Variants in TENM3 observed in about 807,000 individuals in gnomAD.
The protein encoded by TENM3 is teneurin transmembrane protein 3.
TENM3 carries 63 observed loss-of-function variants against 255.1 expected under a neutral mutation model. The ratio of observed to expected loss-of-function variants is 0.25; its 90% CI spans 0.20 to 0.30. The LOEUF (loss-of-function observed/expected upper bound fraction) is 0.30. Ranked by LOEUF, TENM3 falls within the 10% of genes least tolerant of loss-of-function variation. TENM3 has a pLI of 1.00. For synonymous variants in TENM3, 1,306 were observed against 1,322.3 expected, an observed-to-expected ratio of 0.99 and a Z score of 0.27; for missense variants, 2,929 against 3,461.1, an observed-to-expected ratio of 0.85 and a Z score of 3.86.
At chr4:182,723,423 C>T (rs1035197274) in intron 13 of TENM3, among the ~76,000 whole-genome samples, 6 of 151,974 alleles carry the variant, frequency 3.9e-5, no homozygotes, top group African/African-American at 7.2e-5. Context: ...GGGGTGGGGG[C>T]GAAGTACCAA....
the TENM3 span, among the ~76,000 whole-genome samples, chr4:181,878,307 G>A: frequency 1.7e-4 from 26 of 151,312 alleles, no homozygotes; most frequent in South Asian, 5.5e-3. Flanking sequence ...AAAATGGGGG[G>A]AAAGGAAAGA....
At chr4:182,318,142 A>G (rs1762851323) in intron 1 of TENM3, among the ~76,000 whole-genome samples, 1 of 152,202 alleles carries the variant, frequency 6.6e-6, no homozygotes, top group Non-Finnish European at 1.5e-5. Context: ...GTAACATTCA[A>G]GGCTTTGTAA....
At chr4:182,184,413 C>T (rs1753019234) in intron 1 of TENM3, among the ~76,000 whole-genome samples, 1 of 150,634 alleles carries the variant, frequency 6.6e-6, no homozygotes, top group South Asian at 2.1e-4. Flanking sequence ...ATTGCCCTTT[C>T]ATCACAGATG....
At chr4:182,649,885 G>T (rs1753100206) in intron 5 of TENM3, among the ~76,000 whole-genome samples, 1 of 150,254 alleles carries the variant, frequency 6.7e-6, no homozygotes, top group Non-Finnish European at 1.5e-5. Flanking sequence ...CTTCTCTATG[G>T]ATTTTCACAT....
intron 4 of TENM3, among the ~76,000 whole-genome samples, chr4:182,602,575 T>A (rs529360345): frequency 6.6e-6 from 1 of 152,334 alleles, no homozygotes; most frequent in African/African-American, 2.4e-5. Context: ...CTTATCTTTT[T>A]ATCCATATCA....
intron 2 of TENM3, among the ~76,000 whole-genome samples, chr4:182,332,860 A>C (rs1161431036): frequency 6.6e-6 from 1 of 152,190 alleles, no homozygotes; most frequent in African/African-American, 2.4e-5. Flanking sequence ...AGCACCTATG[A>C]TCCTGATTAA....
At chr4:181,634,044 G>A in the TENM3 span, among the ~76,000 whole-genome samples, 3 of 152,098 alleles carry the variant, frequency 2.0e-5, no homozygotes, top group Non-Finnish European at 2.9e-5. Flanking sequence ...AGCCACATCC[G>A]TAGCCTCAGT....
At chr4:182,589,657 G>A (rs750266736) in intron 3 of TENM3, among the ~76,000 whole-genome samples, 2 of 151,954 alleles carry the variant, frequency 1.3e-5, no homozygotes, top group Non-Finnish European at 2.9e-5. Flanking sequence ...TTTGTGACTT[G>A]GTTTGAGAGT....
At chr4:182,632,786 G>A (rs373047756) in intron 5 of TENM3, among the ~76,000 whole-genome samples, 2 of 151,886 alleles carry the variant, frequency 1.3e-5, no homozygotes, top group Admixed American at 6.6e-5. Flanking sequence ...TACCTGTAAA[G>A]TCCTTATTTA....
At chr4:182,317,304 TG>T (rs1258346187) in intron 1 of TENM3, among the ~76,000 whole-genome samples, 1 of 152,108 alleles carries the variant, frequency 6.6e-6, no homozygotes, top group Admixed American at 6.5e-5. Flanking sequence ...ACAGTCTTTG[TG>T]GGGTGTTTTT....
At chr4:181,764,833 G>A in the TENM3 span, among the ~76,000 whole-genome samples, 17 of 152,198 alleles carry the variant, frequency 1.1e-4, no homozygotes, top group Non-Finnish European at 1.8e-4. Flanking sequence ...TGGGACTACA[G>A]GGGCATGCCA....
chr4:182,145,678 G>T (rs1426126394), intron 1 of TENM3, among the ~76,000 whole-genome samples: 1 of 152,210 alleles, frequency 6.6e-6, no homozygotes, highest in Non-Finnish European at 1.5e-5. Flanking sequence ...GTAATTTGGA[G>T]GTAGAGAAAA....
the TENM3 span, among the ~76,000 whole-genome samples, chr4:181,672,317 A>G: frequency 6.6e-6 from 1 of 152,156 alleles, no homozygotes; most frequent in Non-Finnish European, 1.5e-5. Context: ...TAAATGCAAT[A>G]TTTGCTTTAT....
chr4:182,366,685 T>G (rs1014971484), intron 3 of TENM3, among the ~76,000 whole-genome samples: 2 of 152,176 alleles, frequency 1.3e-5, no homozygotes, highest in Non-Finnish European at 2.9e-5. Context: ...AAATTCAGAT[T>G]TGATGATTTC....
intron 1 of TENM3, among the ~76,000 whole-genome samples, chr4:182,274,186 G>T (rs1211043241): frequency 6.6e-6 from 1 of 152,224 alleles, no homozygotes; most frequent in Non-Finnish European, 1.5e-5. Flanking sequence ...GGGAAGCTGG[G>T]CTAAGAAAAT....
intron 1 of TENM3, among the ~76,000 whole-genome samples, chr4:182,296,088 C>G (rs534591512): frequency 6.6e-6 from 1 of 152,092 alleles, no homozygotes; most frequent in Non-Finnish European, 1.5e-5. Context: ...CTCAGCCTCC[C>G]GAGTAGCTGG....
At chr4:181,839,124 C>G in the TENM3 span, among the ~76,000 whole-genome samples, 8 of 150,700 alleles carry the variant, frequency 5.3e-5, no homozygotes, top group African/African-American at 1.9e-4. Flanking sequence ...TCTTTTTTGA[C>G]TATGAGTAAT....
the TENM3 span, among the ~76,000 whole-genome samples, chr4:181,905,055 A>C: frequency 6.6e-6 from 1 of 152,272 alleles, no homozygotes; most frequent in African/African-American, 2.4e-5. Context: ...TGTAAGTCAA[A>C]TAAGTCAAAA....
At chr4:182,250,721 C>T (rs961958143) in intron 1 of TENM3, among the ~76,000 whole-genome samples, 2 of 152,128 alleles carry the variant, frequency 1.3e-5, no homozygotes, top group African/African-American at 4.8e-5. Flanking sequence ...TCTGGCTAAC[C>T]GCATTTTTCC....
Sources: gnomAD v4.1 joint callset for allele counts (sites outside exome capture counted in the v4.1 genomes callset) on GRCh38, gnomAD v4.1.1 for gene constraint, MANE v1.5 for transcripts, NCBI Gene and HGNC (gene_info 2026-07-23, HGNC 2026-07-21) for gene names.